SPANXN1: variants seen among roughly 807,000 people sequenced by gnomAD.
The protein encoded by SPANXN1 is SPANX family member N1, also known as sperm protein associated with the nucleus on the X chromosome N1.
A neutral mutation model predicts 2.0 loss-of-function variants in SPANXN1; 1 was observed. The ratio of observed to expected loss-of-function variants is 0.50; its 90% CI spans 0.18 to 2.36. The LOEUF is 2.36. Among genes scored for constraint, SPANXN1 ranks in the 30% most tolerant of loss-of-function variants. The probability of loss-of-function intolerance (pLI) is 0.26; values close to 1 mark genes in which losing one functional copy is unlikely to be tolerated. For missense variants in SPANXN1, 55 were observed against 51.8 expected (o/e 1.06, Z -0.19); for synonymous variants, 27 against 21.3 (o/e 1.27, Z -0.74).
chrX:145,255,703 C>T lies in SPANXN1; in HGVS notation c.108C>T (p.Pro36=), dbSNP rs782331742. The change falls in exon 2 of 2, where the codon CCC becomes CCT. Residue 36 remains proline (P), a synonymous_variant. Coordinates refer to ENST00000370493, the MANE Select transcript of SPANXN1 (RefSeq NM_001009614.3). ...MQETPNRDLA[P]EPSLKKMKTS... ...AGACACCAAACAGGGACTTAGCCCC[C>T]GAACCGAGTTTGAAAAAGATGAAAA... The T allele has an allele frequency of 5.0e-6, 6 of 1,211,704 alleles. No homozygotes were observed. The highest frequency in any genetic ancestry group is 3.5e-5 in the South Asian group (2 of 56,979).
chrX:145,249,506 G>A (rs868954304), intron 1 of SPANXN1, among the ~76,000 whole-genome samples: 28 of 111,409 alleles, frequency 2.5e-4, no homozygotes, highest in African/African-American at 8.2e-4. Context: ...AATTGGCGAC[G>A]GAGAGTGTTA....
intron 1 of SPANXN1, among the ~76,000 whole-genome samples, chrX:145,255,084 G>T: frequency 9.0e-6 from 1 of 111,643 alleles, no homozygotes; most frequent in Non-Finnish European, 1.9e-5. Context: ...ACAGAGATGG[G>T]GCAGCTCAAA....
Position 145,255,775 on chromosome X carries a change from G to A in SPANXN1, c.180G>A (p.Lys60=), listed in dbSNP as rs138061726. 1.7e-3 allele frequency: 2,024 copies of A among 1,210,683 alleles called. 31 individuals are homozygous for A. The African/African-American group carries it at 0.031, about 19-fold the overall frequency. Residue 60 remains lysine, a synonymous_variant, in exon 2 of 2, where the codon AAG becomes AAA. Transcript: ENST00000370493. ...TVLAFCYRKA[K]KIHSNQLEND... is the part of the protein sequence containing the mutation. ...TAGCGTTTTGCTACAGGAAAGCTAA[G>A]AAAATACATTCAAATCAACTGGAGA...
At chrX:145,251,769 G>A (rs1556882538) in intron 1 of SPANXN1, among the ~76,000 whole-genome samples, 1 of 110,915 alleles carries the variant, frequency 9.0e-6, no homozygotes, top group East Asian at 2.8e-4. Flanking sequence ...TTTTAGGATG[G>A]GCCCATGTGA....
intron 1 of SPANXN1, among the ~76,000 whole-genome samples, chrX:145,248,142 G>C (rs1211067568): frequency 6.3e-5 from 7 of 111,675 alleles, no homozygotes; most frequent in Non-Finnish European, 1.3e-4. Context: ...AGTATAAAAG[G>C]AAGAGGGGCA....
At chrX:145,253,328 C>T (rs1556882696) in intron 1 of SPANXN1, among the ~76,000 whole-genome samples, 1 of 110,784 alleles carries the variant, frequency 9.0e-6, no homozygotes, top group Non-Finnish European at 1.9e-5. Flanking sequence ...TTAGCCTGGT[C>T]CTTCTTTAGG....
intron 1 of SPANXN1, among the ~76,000 whole-genome samples, chrX:145,250,641 C>T (rs1250389336): frequency 3.6e-5 from 4 of 111,688 alleles, no homozygotes; most frequent in African/African-American, 6.5e-5. Context: ...TCCTGAATGG[C>T]GCCAGTCCGG....
intron 1 of SPANXN1, among the ~76,000 whole-genome samples, chrX:145,249,188 G>A (rs1449750793): frequency 9.1e-6 from 1 of 110,401 alleles, no homozygotes; most frequent in Non-Finnish European, 1.9e-5. Flanking sequence ...GATGTGAACT[G>A]CTGGATTTGT....
chrX:145,251,746 C>G (rs2070786677), intron 1 of SPANXN1, among the ~76,000 whole-genome samples: 1 of 110,973 alleles, frequency 9.0e-6, no homozygotes, highest in Non-Finnish European at 1.9e-5. Flanking sequence ...ATGGGGTAAG[C>G]TGGGTTTGGG....
At position 145,255,905 on chromosome X, in the gene SPANXN1, C is replaced by T; in HGVS notation, c.*91C>T. ...AAAGCAGGATGAAGACCTAGACTTA[C>T]CTGAAGGCCTAGACTCAGCTGAAGG... is the stretch of plus-strand genomic sequence containing the variant. On this transcript the variant is annotated 3_prime_UTR_variant, in exon 2 of 2. Transcript: ENST00000370493. 1 of 1,196,027 alleles carries T rather than the reference C, an allele frequency of 8.4e-7. No individual in the cohort carries two copies. The highest frequency in any genetic ancestry group is 1.8e-5 in the South Asian group (1 of 56,482).
In SPANXN1 at chrX:145,247,612, A is replaced by G. The variant is rs1556881962; in HGVS notation, c.26A>G (p.Asn9Ser). 5 of 1,208,877 alleles carry G rather than the reference A, an allele frequency of 4.1e-6. No homozygotes were observed. The highest frequency in any genetic ancestry group is 3.5e-5 in the African/African-American group (2 of 57,017). Residue 9 changes from asparagine (N) to serine (S), a missense_variant, in exon 1 of 2, where the codon AAT becomes AGT. Coordinates refer to ENST00000370493, the MANE Select transcript of SPANXN1 (RefSeq NM_001009614.3). The stretch of plus-strand genomic sequence containing the variant: ...ATGGAACAGCCCACTTCAAGCATCA[A>G]TGGGGAGAAGAGGAAGAGCCCCTGT... MEQPTSSINGEKRKSPCES... is the reference protein window; with the variant it reads MEQPTSSISGEKRKSPCES...
chrX:145,252,922 GA>G (rs1303558829), intron 1 of SPANXN1, among the ~76,000 whole-genome samples: 5 of 110,633 alleles, frequency 4.5e-5, no homozygotes, highest in Admixed American at 1.9e-4. Context: ...TTGAAAAACG[GA>G]AAAAGGGTCT....
intron 1 of SPANXN1, among the ~76,000 whole-genome samples, chrX:145,252,467 T>A (rs1164037731): frequency 9.1e-6 from 1 of 109,773 alleles, no homozygotes; most frequent in African/African-American, 3.3e-5. Flanking sequence ...GTGGGGAGAG[T>A]TGACGGGCTT....
chrX:145,255,030 A>C (rs1419589380), intron 1 of SPANXN1, among the ~76,000 whole-genome samples: 2 of 111,396 alleles, frequency 1.8e-5, no homozygotes, highest in Non-Finnish European at 3.8e-5. Context: ...TTTGACACCA[A>C]AATGTCAGGT....
chrX:145,250,431 G>C (rs1339441372), intron 1 of SPANXN1, among the ~76,000 whole-genome samples: 2 of 111,384 alleles, frequency 1.8e-5, no homozygotes, highest in Non-Finnish European at 3.8e-5. Context: ...ATAGCTTCCT[G>C]AGGGGAAGTT....
intron 1 of SPANXN1, among the ~76,000 whole-genome samples, chrX:145,250,718 T>C (rs2070782437): frequency 9.0e-6 from 1 of 111,087 alleles, no homozygotes; most frequent in Admixed American, 9.5e-5. Context: ...GCAATAACGA[T>C]GGGGTTTTAA....
Position 145,247,643 on chromosome X carries a change from C to T in SPANXN1, c.57C>T (p.Ser19=). ...NGEKRKSPCE[S]NNENDEMQET... is the part of the protein sequence containing the mutation. ...AGAAGAGGAAGAGCCCCTGTGAATC[C>T]AACAATGAAAATGATGAGGTAAGAT... is the stretch of plus-strand genomic sequence containing the variant. Residue 19 remains serine (S), a synonymous_variant, in exon 1 of 2, where the codon TCC becomes TCT. Coordinates refer to ENST00000370493, the MANE Select transcript of SPANXN1 (RefSeq NM_001009614.3). 1 of 1,207,412 alleles carries T rather than the reference C, an allele frequency of 8.3e-7. No homozygotes were observed. Among genetic ancestry groups the T allele is most frequent in the Non-Finnish European group, 1.1e-6 (1 of 892,939 alleles).
At chrX:145,249,689 G>A (rs1211069916) in intron 1 of SPANXN1, among the ~76,000 whole-genome samples, 2 of 110,793 alleles carry the variant, frequency 1.8e-5, no homozygotes, top group Non-Finnish European at 3.8e-5. Flanking sequence ...TAGCTTTGGC[G>A]CTGTGGGAGT....
intron 1 of SPANXN1, among the ~76,000 whole-genome samples, chrX:145,255,363 T>C (rs1196670550): frequency 1.8e-5 from 2 of 111,712 alleles, no homozygotes; most frequent in African/African-American, 3.3e-5. Context: ...TTTGTCCGCC[T>C]TGTGGACAGG....
Sources: gnomAD v4.1 joint callset for allele counts (sites outside exome capture counted in the v4.1 genomes callset) on GRCh38, gnomAD v4.1.1 for gene constraint, MANE v1.5 for transcripts, NCBI Gene and HGNC (gene_info 2026-07-23, HGNC 2026-07-21) for gene names.